The following RO60 variants were observed in gnomAD, a reference collection of about 807,000 sequenced individuals.
The protein encoded by RO60 is Ro60, Y RNA binding protein.
In RO60, 20 loss-of-function variants were observed where a neutral mutation model predicts 55.3. That is an observed-to-expected ratio of 0.36 (90% CI 0.25 to 0.53). RO60 has a LOEUF of 0.53. Among genes scored for constraint, RO60 ranks in the 20% least tolerant of loss-of-function variants. The probability of loss-of-function intolerance (pLI) is 0.92; values close to 1 mark genes in which losing one functional copy is unlikely to be tolerated. For missense variants in RO60, 558 were observed against 646.6 expected (o/e 0.86, Z 1.49); for synonymous variants, 213 against 213.6 (o/e 1.00, Z 0.02).
Position 193,075,894 on chromosome 1 carries a change from T to G in RO60, c.655T>G (p.Ser219Ala). 6.2e-7 allele frequency: 1 copy of G among 1,613,300 alleles called. No individual in the cohort carries two copies. Among genetic ancestry groups the G allele is most frequent in the Non-Finnish European group, 8.5e-7 (1 of 1,179,542 alleles). The change falls in exon 3 of 9, where the codon TCT (serine) becomes GCT (alanine). Residue 219 changes from serine (S) to alanine (A), a missense_variant. Physicochemically the swap from Ser to Ala is moderately conservative, Grantham distance 99. Coordinates refer to ENST00000400968, the MANE Select transcript of RO60 (RefSeq NM_001173524.2). Reference sequence around the variant, plus strand: ...TGAATTGTATAAAGAAAAAGCACTCTCTGTGGAGACTGAAAAATTATTAAA... The same window carrying G: ...TGAATTGTATAAAGAAAAAGCACTCGCTGTGGAGACTGAAAAATTATTAAA... The part of the protein sequence containing the change: ...VHELYKEKAL[S>A]VETEKLLKYL...
rs561146047 is a variant in RO60, at chr1:193,060,089, C to A, written c.-22+313C>A. 66 of 1,257,250 alleles carry A rather than the reference C, an allele frequency of 5.2e-5. No individual in the cohort carries two copies. The South Asian group carries it at 8.9e-4, about 17-fold the overall frequency. 77.9% of individuals were successfully genotyped at this position (1,257,250 alleles called of 1,614,324 possible). A position where few individuals can be genotyped will look rare whatever the true frequency, so the allele number is the denominator to read the frequency against. ...CGACGTCGAGAGGGCCTGCTTTACT[C>A]CTCCTCTTTCTCCTCCTTCTCCCGC... is the stretch of plus-strand genomic sequence containing the variant. On this transcript the variant is annotated intron_variant, in intron 1 of 8. Coordinates refer to ENST00000400968, the MANE Select transcript of RO60 (RefSeq NM_001173524.2).
Position 193,087,247 on chromosome 1 carries a change from G to A in RO60, c.*2516G>A, listed in dbSNP as rs1674659794. The A allele has an allele frequency of 6.6e-6, 1 of 151,986 alleles. No homozygotes were observed. The highest frequency in any genetic ancestry group is 2.1e-4 in the South Asian group (1 of 4,832). The allele number at this position is 151,986 out of a possible 1,614,324, so 9.4% of individuals were successfully genotyped here. A position where few individuals can be genotyped will look rare whatever the true frequency, so the allele number is the denominator to read the frequency against. ...AAAAACAAAAACTTTACCTCATTAT[G>A]AATAAAATGTACTGAAGTGATAAGT... On this transcript the variant is annotated 3_prime_UTR_variant, in exon 9 of 9. Coordinates refer to ENST00000400968, the MANE Select transcript of RO60 (RefSeq NM_001173524.2).
intron 2 of RO60, among the ~76,000 whole-genome samples, chr1:193,072,632 T>G (rs1194437792): frequency 6.6e-6 from 1 of 152,204 alleles, no homozygotes; most frequent in Non-Finnish European, 1.5e-5. Context: ...TTAAATTTTT[T>G]ATCCAAATAT....
chr1:193,075,185 C>T (rs1572086476), intron 2 of RO60, among the ~76,000 whole-genome samples: 1 of 152,128 alleles, frequency 6.6e-6, no homozygotes, highest in South Asian at 2.1e-4. Context: ...CATTTATTGG[C>T]AGAGTATAGG....
chr1:193,066,434 T>C (rs1478415537), intron 1 of RO60, among the ~76,000 whole-genome samples: 3 of 152,236 alleles, frequency 2.0e-5, no homozygotes, highest in Non-Finnish European at 4.4e-5. Flanking sequence ...CTACTTCTTA[T>C]ACCACTCTAC....
chr1:193,060,202 A>G (rs1245949714), intron 1 of RO60: 4 of 916,678 alleles, frequency 4.4e-6, no homozygotes, highest in East Asian at 6.3e-5. Context: ...TCACAGAGGA[A>G]TAACGAGGGA....
At chr1:193,072,355 C>T (rs1197114876) in intron 2 of RO60, among the ~76,000 whole-genome samples, 1 of 151,858 alleles carries the variant, frequency 6.6e-6, no homozygotes, top group South Asian at 2.1e-4. Flanking sequence ...GTTCTAAGAA[C>T]TTGGGGTTCA....
At chr1:193,082,448 A>ATG in intron 7 of RO60, 114 bp from the exon 8 acceptor site, 1 of 1,384,138 alleles carries the variant, frequency 7.2e-7, no homozygotes, top group Non-Finnish European at 9.9e-7. Context: ...CCGAAAATAT[A>ATG]TATGCAGGCT....
intron 2 of RO60, among the ~76,000 whole-genome samples, chr1:193,075,298 T>TA (rs1437032285): frequency 6.6e-6 from 1 of 151,030 alleles, no homozygotes; most frequent in Admixed American, 6.6e-5. Flanking sequence ...CCTTTTTTTT[T>TA]TTTTTTTGAG....
Position 193,086,635 on chromosome 1 carries a change from A to G in RO60, c.*1904A>G, listed in dbSNP as rs909653830. On this transcript the variant is annotated 3_prime_UTR_variant, in exon 9 of 9. Transcript: ENST00000400968. ...CATTTTATTCCTAATAGAAATGTTAAATAGAATATAGTACAAAAGTGCATT... is the reference window on the plus strand; with the variant it reads ...CATTTTATTCCTAATAGAAATGTTAGATAGAATATAGTACAAAAGTGCATT... 6.7e-6 allele frequency: 1 copy of G among 148,350 alleles called. No individual in the cohort carries two copies. Among genetic ancestry groups the G allele is most frequent in the African/African-American group, 2.5e-5 (1 of 40,402 alleles). The allele number at this position is 148,350 out of a possible 1,614,324, so 9.2% of individuals were successfully genotyped here.
chr1:193,070,481 A>C, intron 2 of RO60: 1 of 379,390 alleles, frequency 2.6e-6, no homozygotes, highest in South Asian at 1.9e-5. Context: ...GGGCAGGAGT[A>C]ATTTGAAGTG....
chr1:193,080,000 G>A (rs892091505), intron 5 of RO60, among the ~76,000 whole-genome samples: 6 of 151,416 alleles, frequency 4.0e-5, no homozygotes, highest in South Asian at 2.1e-4. Context: ...GTGTGGTGGC[G>A]GGCGCCTGTA....
At chr1:193,079,813 G>A (rs1305293094) in intron 5 of RO60, among the ~76,000 whole-genome samples, 3 of 151,956 alleles carry the variant, frequency 2.0e-5, no homozygotes, top group Admixed American at 6.6e-5. Context: ...TTTTTCTAAT[G>A]ATATACAAAT....
intron 3 of RO60, 27 bp from the exon 4 acceptor site, chr1:193,076,474 G>A (rs1385413889): frequency 6.2e-7 from 1 of 1,601,702 alleles, no homozygotes; most frequent in Admixed American, 1.8e-5. Context: ...TTAATTCCTG[G>A]TATTTCTGCC....
Position 193,059,937 on chromosome 1 carries a change from C to G in RO60, c.-22+161C>G. On this transcript the variant is annotated intron_variant, in intron 1 of 8. Coordinates refer to ENST00000400968, the MANE Select transcript of RO60 (RefSeq NM_001173524.2). The surrounding 1 kb of genome is among the most constrained non-coding windows in gnomAD (Gnocchi z 4.9). ...TCCCCGTCCCGCTTCCGCGCCTGTC[C>G]ACCCTGGGTAACGGAACCAGCATCG... The G allele has an allele frequency of 7.3e-7, 1 of 1,366,338 alleles. No individual in the cohort carries two copies. The highest frequency in any genetic ancestry group is 1.1e-5 in the South Asian group (1 of 88,006). 84.6% of individuals were successfully genotyped at this position (1,366,338 alleles called of 1,614,324 possible). A position where few individuals can be genotyped will look rare whatever the true frequency, so the allele number is the denominator to read the frequency against.
At chr1:193,068,406 G>C (rs1673260455) in intron 1 of RO60, among the ~76,000 whole-genome samples, 1 of 152,240 alleles carries the variant, frequency 6.6e-6, no homozygotes, top group Non-Finnish European at 1.5e-5. Context: ...GAGCAATAAA[G>C]ATCCATCCCT....
chr1:193,069,053 A>C lies in RO60; in HGVS notation c.-2A>C. ...TGTTAGGTTTCCTAAAGACAAAAAA[A>C]AATGGAGGAATCTGTAAACCAAATG... is the stretch of plus-strand genomic sequence containing the variant. On this transcript the variant is annotated 5_prime_UTR_variant, in exon 2 of 9. Transcript: ENST00000400968. The C allele has an allele frequency of 6.3e-7, 1 of 1,597,356 alleles. No individual in the cohort carries two copies. The highest frequency in any genetic ancestry group is 8.5e-7 in the Non-Finnish European group (1 of 1,170,414).
chr1:193,064,778 G>C (rs1040192216), intron 1 of RO60, among the ~76,000 whole-genome samples: 2 of 152,190 alleles, frequency 1.3e-5, no homozygotes, highest in Non-Finnish European at 2.9e-5. Flanking sequence ...AAAAGGAAGA[G>C]TCCATGAATA....
chr1:193,084,396 C>A (rs907887948), intron 8 of RO60, among the ~76,000 whole-genome samples, 183 bp from the exon 9 acceptor site: 1 of 152,186 alleles, frequency 6.6e-6, no homozygotes, highest in African/African-American at 2.4e-5. Context: ...GATTCTTATA[C>A]AATTTTATTG....
Sources: gnomAD v4.1 joint callset for allele counts (sites outside exome capture counted in the v4.1 genomes callset) on GRCh38, gnomAD v4.1.1 for gene constraint, Gnocchi (gnomAD v3.1) non-coding constraint, MANE v1.5 for transcripts, NCBI Gene and HGNC (gene_info 2026-07-23, HGNC 2026-07-21) for gene names.